CA10: variants seen among roughly 807,000 people sequenced by gnomAD.
The protein encoded by CA10 is carbonic anhydrase-related protein 10.
CA10 carries 14 observed loss-of-function variants against 44.2 expected under a neutral mutation model. The observed-to-expected ratio is 0.32, with a 90% CI of 0.21 to 0.50. CA10 has a LOEUF of 0.50. Ranked by LOEUF, CA10 falls within the 20% of genes least tolerant of loss-of-function variation. CA10 has a pLI of 0.99. For missense variants in CA10, 350 were observed against 409.7 expected (o/e 0.85, Z 1.26); for synonymous variants, 159 against 141.6 (o/e 1.12, Z -0.87).
intron 3 of CA10, among the ~76,000 whole-genome samples, chr17:51,774,607 T>A (rs988984766): frequency 7.9e-5 from 12 of 151,134 alleles, no homozygotes; most frequent in Admixed American, 3.3e-4. Flanking sequence ...ATCCGGCTAA[T>A]TTTTTTTTGT....
intron 3 of CA10, among the ~76,000 whole-genome samples, chr17:51,840,427 C>A (rs1188780321): frequency 6.6e-6 from 1 of 151,312 alleles, no homozygotes; most frequent in Non-Finnish European, 1.5e-5. Flanking sequence ...TCTGTCCCAA[C>A]AATAGATTTT....
chr17:51,757,713 T>C (rs74975286), intron 3 of CA10, among the ~76,000 whole-genome samples: 4,492 of 152,312 alleles, frequency 0.029, 119 homozygotes, highest in South Asian at 0.046. Flanking sequence ...GCCATTTACA[T>C]GACATGTATC....
At chr17:51,768,585 A>G (rs976925860) in intron 3 of CA10, among the ~76,000 whole-genome samples, 1 of 152,172 alleles carries the variant, frequency 6.6e-6, no homozygotes, top group African/African-American at 2.4e-5. Flanking sequence ...ATCTGCTTAC[A>G]TGGGGAGAGA....
chr17:52,116,156 C>T (rs1988891426), intron 1 of CA10, among the ~76,000 whole-genome samples: 4 of 151,728 alleles, frequency 2.6e-5, no homozygotes. Flanking sequence ...AGAGGTTATT[C>T]CCCCAGGCAT....
intron 3 of CA10, among the ~76,000 whole-genome samples, chr17:51,750,615 T>C (rs952156720): frequency 9.9e-5 from 15 of 152,232 alleles, no homozygotes; most frequent in African/African-American, 3.6e-4. Flanking sequence ...TACACATTAT[T>C]ACAGCATTTA....
At chr17:51,961,178 TG>T (rs1042911108) in intron 2 of CA10, among the ~76,000 whole-genome samples, 1 of 124,692 alleles carries the variant, frequency 8.0e-6, no homozygotes, top group African/African-American at 3.0e-5. Context: ...TCTCTCTGTA[TG>T]TACACACAAA....
intron 4 of CA10, among the ~76,000 whole-genome samples, chr17:51,713,944 G>A (rs1916018523): frequency 6.6e-6 from 1 of 152,198 alleles, no homozygotes; most frequent in African/African-American, 2.4e-5. Context: ...TTGATTCTAT[G>A]AGTTACTTAG....
At chr17:51,932,427 C>G (rs1443993757) in intron 2 of CA10, among the ~76,000 whole-genome samples, 1 of 152,122 alleles carries the variant, frequency 6.6e-6, no homozygotes, top group Non-Finnish European at 1.5e-5. Context: ...CAAAGATACT[C>G]AAATTCTTTG....
At chr17:51,976,213 A>C (rs2144078728) in intron 2 of CA10, among the ~76,000 whole-genome samples, 1 of 152,322 alleles carries the variant, frequency 6.6e-6, no homozygotes, top group East Asian at 1.9e-4. Flanking sequence ...GTAGTTAAAA[A>C]CAGTAACACC....
chr17:51,830,195 C>CAAAAAAAAAAAAAAAAAAAAAA (rs1220410518), intron 3 of CA10, among the ~76,000 whole-genome samples: 22 of 89,896 alleles, frequency 2.4e-4, no homozygotes, highest in Non-Finnish European at 3.6e-4. Flanking sequence ...GACTCCATCT[C>CAAAAAAAAAAAAAAAAAAAAAA]AAAAAAAAAA....
chr17:51,848,566 T>C (rs1978602611), intron 3 of CA10, among the ~76,000 whole-genome samples: 1 of 152,236 alleles, frequency 6.6e-6, no homozygotes, highest in Admixed American at 6.5e-5. Context: ...TCTTTAGGGC[T>C]GTCGTGAATG....
At chr17:51,862,702 G>T (rs1352515093) in intron 3 of CA10, among the ~76,000 whole-genome samples, 1 of 152,086 alleles carries the variant, frequency 6.6e-6, no homozygotes, top group Non-Finnish European at 1.5e-5. Context: ...ATTATAGGGT[G>T]CCATTGTGGT....
intron 1 of CA10, among the ~76,000 whole-genome samples, chr17:52,072,777 T>C (rs1186600551): frequency 6.6e-6 from 1 of 151,738 alleles, no homozygotes; most frequent in Non-Finnish European, 1.5e-5. Flanking sequence ...CATCCATGTA[T>C]GTCCATGGAA....
At chr17:51,904,483 G>A (rs1438116941) in intron 3 of CA10, among the ~76,000 whole-genome samples, 1 of 151,972 alleles carries the variant, frequency 6.6e-6, no homozygotes, top group Non-Finnish European at 1.5e-5. Flanking sequence ...GAGTCCCCCA[G>A]CTTCATCCAT....
intron 1 of CA10, among the ~76,000 whole-genome samples, chr17:52,145,654 G>C (rs1989567083): frequency 6.6e-6 from 1 of 152,154 alleles, no homozygotes; most frequent in Admixed American, 6.5e-5. Context: ...AACTTGTTAT[G>C]CAAAATAACA....
At chr17:52,104,680 T>C (rs1030789418) in intron 1 of CA10, among the ~76,000 whole-genome samples, 1 of 152,164 alleles carries the variant, frequency 6.6e-6, no homozygotes, top group African/African-American at 2.4e-5. Context: ...TCCCAGGTGC[T>C]GGACTCCACG....
At chr17:51,695,830 G>T (rs762094391) in intron 4 of CA10, among the ~76,000 whole-genome samples, 1 of 151,992 alleles carries the variant, frequency 6.6e-6, no homozygotes, top group Non-Finnish European at 1.5e-5. Context: ...TTATTTTGAG[G>T]TATGTTTCTT....
chr17:52,054,144 C>T (rs1010371864), intron 2 of CA10, among the ~76,000 whole-genome samples: 11 of 152,180 alleles, frequency 7.2e-5, no homozygotes, highest in Non-Finnish European at 1.5e-4. Context: ...TCATATTTCT[C>T]TTCTTTCAAA....
At chr17:51,653,896 T>C (rs1011735175) in intron 4 of CA10, among the ~76,000 whole-genome samples, 160 bp from the exon 5 acceptor site, 4 of 152,220 alleles carry the variant, frequency 2.6e-5, no homozygotes, top group Non-Finnish European at 5.9e-5. Flanking sequence ...TGTGTGCATA[T>C]GTGTGTAAAA....
Sources: allele counts gnomAD v4.1 joint callset (sites outside exome capture counted in the v4.1 genomes callset), GRCh38; gene constraint gnomAD v4.1.1; transcripts MANE v1.5; gene names NCBI Gene and HGNC (gene_info 2026-07-23, HGNC 2026-07-21).